Variants in TF observed in about 807,000 individuals in gnomAD.
TF encodes the protein transferrin.
A neutral mutation model predicts 82.4 loss-of-function variants in TF; 55 were observed. The ratio of observed to expected loss-of-function variants is 0.67; its 90% confidence interval spans 0.54 to 0.84. TF has a LOEUF of 0.84. TF is among the 40% of genes least tolerant of loss of function. The pLI, the probability that TF is intolerant of heterozygous loss-of-function variation, is 0.00. For missense variants in TF, 737 were observed against 868.4 expected, an observed-to-expected ratio of 0.85 and a Z score of 1.90; for synonymous variants, 332 against 332.6, an observed-to-expected ratio of 1.00 and a Z score of 0.02.
Position 133,755,430 on chromosome 3 carries a change from T to A in TF, c.570T>A (p.Cys190Ter). 1.2e-6 allele frequency: 2 copies of A among 1,614,230 alleles called. No individual in the cohort carries two copies. Among genetic ancestry groups the A allele is most frequent in the South Asian group, 1.1e-5 (1 of 91,078 alleles). Residue 190 changes from cysteine to a stop codon, truncating the protein, a stop_gained, in exon 5 of 17, where the codon TGT becomes TGA. Transcript: ENST00000402696. LOFTEE classifies it high-confidence loss of function. ...ATGGGACGGACTTCCCCCAGCTGTG[T>A]CAACTGTGTCCAGGGTGTGGCTGCT... ...CADGTDFPQL[C>*]QLCPGCGCST...
the TF span, among the ~76,000 whole-genome samples, chr3:133,732,983 A>T: frequency 1.1e-4 from 16 of 152,240 alleles, no homozygotes; most frequent in East Asian, 2.5e-3. Context: ...CAGGGCCAGG[A>T]TCTTCTCTTG....
the TF span, among the ~76,000 whole-genome samples, chr3:133,668,840 G>C: frequency 1.3e-5 from 2 of 152,172 alleles, no homozygotes; most frequent in African/African-American, 4.8e-5. Flanking sequence ...GCTGACAGGA[G>C]TTGGTGCACA....
chr3:133,681,373 C>A, the TF span, among the ~76,000 whole-genome samples: 1 of 152,186 alleles, frequency 6.6e-6, no homozygotes, highest in Non-Finnish European at 1.5e-5. Context: ...CGGTGCAGCC[C>A]ACGGAGCATG....
chr3:133,761,476 A>AT (rs905024492), intron 9 of TF: 1 of 152,186 alleles, frequency 6.6e-6, no homozygotes, highest in Non-Finnish European at 1.5e-5. Flanking sequence ...CCTGGGAAAC[A>AT]TAGTGAGACA....
intron 7 of TF, among the ~76,000 whole-genome samples, chr3:133,757,543 C>G (rs934989613): frequency 6.6e-6 from 1 of 152,212 alleles, no homozygotes; most frequent in Non-Finnish European, 1.5e-5. Context: ...TGTCTCAACC[C>G]GTTCCGGGAG....
chr3:133,715,511 A>G, the TF span, among the ~76,000 whole-genome samples: 1 of 152,180 alleles, frequency 6.6e-6, no homozygotes, highest in Non-Finnish European at 1.5e-5. Context: ...TTCCATCAGC[A>G]TACAAAACAT....
Position 133,785,483 on chromosome 3 carries a change from CGGGA to C in TF, c.*6870_*6873del, listed in dbSNP as rs1934651609. ...CCCCCGCCCGGCCAGCCGCCCCGTC[CGGGA>C]GGGAGGTGGGGGGGGTCAGCCCCCC... is the stretch of plus-strand genomic sequence containing the variant. On this transcript the variant is annotated 3_prime_UTR_variant, in exon 17 of 17. Transcript: ENST00000402696. 8.5e-6 allele frequency: 1 copy of C among 118,020 alleles called. No individual in the cohort carries two copies. Among genetic ancestry groups the C allele is most frequent in the African/African-American group, 3.1e-5 (1 of 31,790 alleles). 7.3% of individuals were successfully genotyped at this position (118,020 alleles called of 1,614,324 possible). A position where few individuals can be genotyped will look rare whatever the true frequency, so the allele number is the denominator to read the frequency against.
rs1934897618 is a variant in TF, at chr3:133,793,549, T to TA, written c.*14930dup. The TA allele has an allele frequency of 5.9e-5, 9 of 152,318 alleles. 1 individual carries two copies. In the South Asian group the frequency reaches 1.7e-3, roughly 28 times the overall value. 9.4% of individuals were successfully genotyped at this position (152,318 alleles called of 1,614,324 possible). A position where few individuals can be genotyped will look rare whatever the true frequency, so the allele number is the denominator to read the frequency against. On this transcript the variant is annotated 3_prime_UTR_variant, in exon 17 of 17. Transcript: ENST00000402696. ...TATATTTTAGTGAATAATATTAATATATGTTCCAAAATTGTATGAGATTTC... is the reference window on the plus strand; with the variant it reads ...TATATTTTAGTGAATAATATTAATATAATGTTCCAAAATTGTATGAGATTTC...
In TF at chr3:133,764,749, T is replaced by C. The variant is rs377320076; in HGVS notation, c.1298-126T>C. Reference sequence around the variant, plus strand: ...CCAGAGAGTCTGGACTTGTTGGGAATTGATGACATGTATAGATAATTTTCT... The same window carrying C: ...CCAGAGAGTCTGGACTTGTTGGGAACTGATGACATGTATAGATAATTTTCT... On this transcript the variant is annotated intron_variant, in intron 10 of 16. Transcript: ENST00000402696. The C allele has an allele frequency of 1.5e-5, 13 of 895,940 alleles. No homozygotes were observed. The East Asian group carries it at 2.9e-4, about 20-fold the overall frequency. The allele number at this position is 895,940 out of a possible 1,614,324, so 55.5% of individuals were successfully genotyped here. A position where few individuals can be genotyped will look rare whatever the true frequency, so the allele number is the denominator to read the frequency against.
the TF span, among the ~76,000 whole-genome samples, chr3:133,697,647 C>G: frequency 2.0e-5 from 3 of 152,168 alleles, no homozygotes; most frequent in Non-Finnish European, 4.4e-5. Context: ...CTGCTGCCCC[C>G]CTGGGCCTTT....
intron 14 of TF, chr3:133,774,101 AT>A (rs1278867638): frequency 1.3e-5 from 2 of 152,284 alleles, no homozygotes; most frequent in Non-Finnish European, 2.9e-5. Flanking sequence ...AATATAAAAT[AT>A]TATTATCCCT....
At position 133,748,555 on chromosome 3, in the gene TF, TCCTA is replaced by T; in HGVS notation, c.191_194del (p.Tyr64LeufsTer15). ...CAGTGTTGCTTGTGTGAAGAAAGCC[TCCTA>T]CCTTGATTGCATCAGGGCCATTGCG... On this transcript the variant is annotated frameshift_variant, in exon 2 of 17. Coordinates refer to ENST00000402696, the MANE Select transcript of TF (RefSeq NM_001063.4). LOFTEE classifies it high-confidence loss of function. 4.3e-6 allele frequency: 7 copies of T among 1,614,098 alleles called. No individual in the cohort carries two copies. The highest frequency in any genetic ancestry group is 5.1e-6 in the Non-Finnish European group (6 of 1,180,000).
At chr3:133,726,986 C>A in the TF span, among the ~76,000 whole-genome samples, 1 of 152,064 alleles carries the variant, frequency 6.6e-6, no homozygotes, top group Non-Finnish European at 1.5e-5. Context: ...TTTTCTTAAT[C>A]CTGAGTTCTA....
At chr3:133,678,999 A>C in the TF span, among the ~76,000 whole-genome samples, 1 of 151,946 alleles carries the variant, frequency 6.6e-6, no homozygotes, top group African/African-American at 2.4e-5. Context: ...CAGCCTCCTG[A>C]GTAGCTGGGA....
At chr3:133,671,975 T>A in the TF span, among the ~76,000 whole-genome samples, 8 of 152,042 alleles carry the variant, frequency 5.3e-5, no homozygotes, top group Non-Finnish European at 1.2e-4. Context: ...ATGAAATAGG[T>A]AAAATCCTGG....
chr3:133,686,553 C>A, the TF span, among the ~76,000 whole-genome samples: 91 of 152,296 alleles, frequency 6.0e-4, no homozygotes, highest in Non-Finnish European at 5.3e-4. Flanking sequence ...TGAACAGACA[C>A]GTCTCAAAAG....
the TF span, among the ~76,000 whole-genome samples, chr3:133,714,926 A>G: frequency 1.3e-5 from 2 of 151,128 alleles, no homozygotes; most frequent in Non-Finnish European, 3.0e-5. Context: ...CAGATGATCC[A>G]CCCGCCTCGG....
chr3:133,670,523 C>T, the TF span, among the ~76,000 whole-genome samples: 8 of 152,102 alleles, frequency 5.3e-5, no homozygotes, highest in African/African-American at 1.4e-4. Context: ...AATCTAGGGT[C>T]GGGGGCACAG....
rs983661645 is a variant in TF at position 133,793,567 on chromosome 3, G to A, written c.*14947G>A. ...ATTAATATATGTTCCAAAATTGTAT[G>A]AGATTTCTAAAATTCCAATATGTCT... is the stretch of plus-strand genomic sequence containing the variant. On this transcript the variant is annotated 3_prime_UTR_variant, in exon 17 of 17. Transcript: ENST00000402696. The A allele has an allele frequency of 1.1e-4, 16 of 152,092 alleles. No homozygotes were observed. Among genetic ancestry groups the A allele is most frequent in the African/African-American group, 3.9e-4 (16 of 41,404 alleles). The allele number at this position is 152,092 out of a possible 1,614,324, so 9.4% of individuals were successfully genotyped here.
Sources: allele counts gnomAD v4.1 joint callset (sites outside exome capture counted in the v4.1 genomes callset), GRCh38; gene constraint gnomAD v4.1.1; transcripts MANE v1.5; gene names NCBI Gene and HGNC (gene_info 2026-07-23, HGNC 2026-07-21).